The following OTUD7A variants were observed in gnomAD, a reference collection of about 807,000 sequenced individuals.
The protein encoded by OTUD7A is OTU domain-containing protein 7A.
A neutral mutation model predicts 65.7 loss-of-function variants in OTUD7A; 12 were observed. The ratio of observed to expected loss-of-function variants is 0.18; its 90% CI spans 0.12 to 0.30. The LOEUF (loss-of-function observed/expected upper bound fraction) is 0.30. Among genes scored for constraint, OTUD7A ranks in the 10% least tolerant of loss-of-function variants. OTUD7A has a pLI of 1.00. For missense variants in OTUD7A, 1,148 were observed against 1,304.8 expected (o/e 0.88, Z 1.85); for synonymous variants, 641 against 586.3 (o/e 1.09, Z -1.35).
At chr15:31,583,482 C>T (rs773471289) in intron 3 of OTUD7A, among the ~76,000 whole-genome samples, 2 of 151,972 alleles carry the variant, frequency 1.3e-5, no homozygotes, top group African/African-American at 2.4e-5. Flanking sequence ...AATTCCCGTA[C>T]GTTGTAGGAA....
intron 1 of OTUD7A, among the ~76,000 whole-genome samples, chr15:31,813,318 G>A (rs1896468927): frequency 1.3e-5 from 2 of 152,208 alleles, no homozygotes; most frequent in African/African-American, 4.8e-5. Flanking sequence ...CTTCTGTACA[G>A]TAGAAACTCA....
At chr15:31,628,619 A>G (rs576895940) in intron 3 of OTUD7A, among the ~76,000 whole-genome samples, 2 of 152,216 alleles carry the variant, frequency 1.3e-5, no homozygotes, top group African/African-American at 2.4e-5. Flanking sequence ...GTTTTTTCCA[A>G]TTCTGTGAAG....
intron 1 of OTUD7A, among the ~76,000 whole-genome samples, chr15:31,844,240 C>G (rs182235816): frequency 6.6e-6 from 1 of 152,254 alleles, no homozygotes; most frequent in Non-Finnish European, 1.5e-5. Flanking sequence ...GGTGCGGTGG[C>G]TCATGCCTGT....
chr15:31,543,529 G>T (rs2141137462), intron 5 of OTUD7A, among the ~76,000 whole-genome samples: 1 of 151,974 alleles, frequency 6.6e-6, no homozygotes, highest in Admixed American at 6.5e-5. Context: ...ATACAAAAGT[G>T]CTATAGGTAA....
chr15:31,844,216 C>T (rs1897249614), intron 1 of OTUD7A, among the ~76,000 whole-genome samples: 1 of 152,204 alleles, frequency 6.6e-6, no homozygotes, highest in Non-Finnish European at 1.5e-5. Flanking sequence ...AATCAAGAAT[C>T]GCACACTGCG....
intron 1 of OTUD7A, among the ~76,000 whole-genome samples, chr15:31,797,883 G>T (rs1369211486): frequency 6.6e-6 from 1 of 152,040 alleles, no homozygotes; most frequent in Non-Finnish European, 1.5e-5. Flanking sequence ...AAAACAGCTG[G>T]GCTTAAACAG....
chr15:31,682,364 T>C (rs2141307489), intron 1 of OTUD7A, among the ~76,000 whole-genome samples: 1 of 152,298 alleles, frequency 6.6e-6, no homozygotes, highest in East Asian at 1.9e-4. Context: ...TTCCAGCAGG[T>C]TTCTTTGTAG....
chr15:31,761,182 ACTT>A (rs1370318893), intron 1 of OTUD7A, among the ~76,000 whole-genome samples: 1 of 152,184 alleles, frequency 6.6e-6, no homozygotes, highest in Non-Finnish European at 1.5e-5. Context: ...GATAAATTGA[ACTT>A]CATCAAAATT....
intron 1 of OTUD7A, among the ~76,000 whole-genome samples, chr15:31,749,742 A>AT (rs200308914): frequency 2.5e-4 from 38 of 149,428 alleles, no homozygotes; most frequent in South Asian, 2.3e-3. Context: ...AAGGTGTACA[A>AT]TTTTTTTTTT....
At chr15:31,647,026 T>C (rs1224140405) in intron 3 of OTUD7A, among the ~76,000 whole-genome samples, 1 of 152,208 alleles carries the variant, frequency 6.6e-6, no homozygotes. Flanking sequence ...AATTCTGATC[T>C]GGAGATGTTT....
rs2654079 is a variant in OTUD7A, at chr15:31,702,656, A to C, written c.-99-45579T>G. 5.9e-5 allele frequency among the ~76,000 whole-genome samples: 9 copies of C among 151,818 alleles called. 1 individual carries two copies. On this transcript the variant is annotated intron_variant, in intron 1 of 12. Coordinates refer to ENST00000307050, the MANE Select transcript of OTUD7A (RefSeq NM_001382637.1). Reference sequence around the variant, plus strand: ...GTCCACAGATTGAAAAACTCAATACACTAATGATGCCAATACTCCCCAAAT... The same window carrying C: ...GTCCACAGATTGAAAAACTCAATACCCTAATGATGCCAATACTCCCCAAAT...
At chr15:31,567,745 A>T (rs1888921028) in intron 4 of OTUD7A, among the ~76,000 whole-genome samples, 1 of 152,208 alleles carries the variant, frequency 6.6e-6, no homozygotes, top group Admixed American at 6.5e-5. Context: ...GGGCCCCGCT[A>T]CCTTGTGTAG....
intron 1 of OTUD7A, among the ~76,000 whole-genome samples, chr15:31,802,093 GTGTGTATATA>G (rs1035975636): frequency 2.7e-4 from 18 of 67,794 alleles, no homozygotes; most frequent in African/African-American, 9.0e-4. Context: ...ATATATATGT[GTGTGTATATA>G]TGTGTGTGTG....
intron 3 of OTUD7A, among the ~76,000 whole-genome samples, chr15:31,583,805 C>G (rs1337622656): frequency 2.0e-5 from 3 of 152,014 alleles, no homozygotes; most frequent in Non-Finnish European, 4.4e-5. Flanking sequence ...CATGAGGTGT[C>G]CATGACCTCC....
At chr15:31,665,805 C>T (rs1381776103) in intron 1 of OTUD7A, among the ~76,000 whole-genome samples, 1 of 152,084 alleles carries the variant, frequency 6.6e-6, no homozygotes, top group Non-Finnish European at 1.5e-5. Context: ...TCACAGATGG[C>T]TTTTATTACA....
chr15:31,718,979 C>T (rs1893665083), intron 1 of OTUD7A, among the ~76,000 whole-genome samples: 1 of 151,234 alleles, frequency 6.6e-6, no homozygotes, highest in South Asian at 2.1e-4. Flanking sequence ...TAGATAGAGT[C>T]TCATCACTTT....
At chr15:31,612,213 A>C (rs1314069437) in intron 3 of OTUD7A, among the ~76,000 whole-genome samples, 1 of 152,254 alleles carries the variant, frequency 6.6e-6, no homozygotes, top group African/African-American at 2.4e-5. Flanking sequence ...AAAAGTTGAA[A>C]GCATTCCCTC....
chr15:31,808,200 C>A (rs1896329981), intron 1 of OTUD7A, among the ~76,000 whole-genome samples: 1 of 150,806 alleles, frequency 6.6e-6, no homozygotes, highest in Admixed American at 6.6e-5. Context: ...CAAGAATTGA[C>A]ACTCCATCAG....
chr15:31,520,219 A>T (rs547255378), intron 8 of OTUD7A, among the ~76,000 whole-genome samples: 2 of 152,350 alleles, frequency 1.3e-5, no homozygotes, highest in East Asian at 3.9e-4. Context: ...GAAGGATAAC[A>T]TCATCTAATT....
Sources: allele counts gnomAD v4.1 joint callset (sites outside exome capture counted in the v4.1 genomes callset), GRCh38; gene constraint gnomAD v4.1.1; transcripts MANE v1.5; gene names NCBI Gene and HGNC (gene_info 2026-07-23, HGNC 2026-07-21).